Variants in CARD10 observed in about 807,000 individuals in gnomAD.
The protein encoded by CARD10 is caspase recruitment domain family member 10.
CARD10 carries 49 observed loss-of-function variants against 114.6 expected under a neutral mutation model. That is an observed-to-expected ratio of 0.43 (90% CI 0.34 to 0.54). CARD10 has a LOEUF of 0.54. Among genes scored for constraint, CARD10 ranks in the 20% least tolerant of loss-of-function variants. The pLI is 0.03. For synonymous variants in CARD10, 602 were observed against 593.2 expected (o/e 1.01, Z -0.21); for missense variants, 1,206 against 1,397.2 (o/e 0.86, Z 2.18).
In CARD10 at chr22:37,516,302, C is replaced by T. The variant is rs1328176502; in HGVS notation, c.374-4G>A. ...AGGCCCTCAGGCCCCTCCTCATCTG[C>T]CAGGACAGAACAGGGGACAGAATAG... On this transcript the variant is annotated splice_region_variant and splice_polypyrimidine_tract_variant and intron_variant, in intron 2 of 19. Coordinates refer to ENST00000251973, the MANE Select transcript of CARD10 (RefSeq NM_014550.4). 6.3e-7 allele frequency: 1 copy of T among 1,580,516 alleles called. No homozygotes were observed. The highest frequency in any genetic ancestry group is 2.3e-5 in the East Asian group (1 of 44,398).
At chr22:37,512,292 G>A (rs894091612) in intron 3 of CARD10, 9 of 152,202 alleles carry the variant, frequency 5.9e-5, no homozygotes, top group African/African-American at 2.2e-4. Context: ...AGTGACAAGA[G>A]TGGCAGCAGG....
At chr22:37,502,564 A>G (rs199830828) in intron 11 of CARD10, 38 bp downstream of exon 11, 228 of 1,596,090 alleles carry the variant, frequency 1.4e-4, no homozygotes, top group Non-Finnish European at 1.9e-4. Flanking sequence ...CTCTCAAGCA[A>G]TCACCCCAGC....
intron 11 of CARD10, among the ~76,000 whole-genome samples, chr22:37,499,070 C>A (rs1187991464): frequency 6.6e-6 from 1 of 152,068 alleles, no homozygotes; most frequent in Non-Finnish European, 1.5e-5. Context: ...CAATGCTATC[C>A]CCCACCCCGC....
At chr22:37,495,283 G>A (rs1922956812) in intron 15 of CARD10, among the ~76,000 whole-genome samples, 1 of 152,202 alleles carries the variant, frequency 6.6e-6, no homozygotes, top group Non-Finnish European at 1.5e-5. Flanking sequence ...TGCTTATTAT[G>A]TACCAGGGGT....
At chr22:37,491,678 G>A in intron 19 of CARD10, 77 bp downstream of exon 19, 1 of 741,656 alleles carries the variant, frequency 1.3e-6, no homozygotes, top group South Asian at 1.5e-5. Context: ...GAGAGAGGGG[G>A]GAGGGAGAGA....
Position 37,504,702 on chromosome 22 carries a change from G to T in CARD10, c.1451C>A (p.Ser484Tyr). The T allele has an allele frequency of 1.9e-6, 3 of 1,584,250 alleles. No homozygotes were observed. The highest frequency in any genetic ancestry group is 2.6e-6 in the Non-Finnish European group (3 of 1,166,434). ...AGTTGCTTCTGGGCCTCCCAGAGGGGAGGGGAACTCGCTCAGGCTCCAAGT... is the reference window on the plus strand; with the variant it reads ...AGTTGCTTCTGGGCCTCCCAGAGGGTAGGGGAACTCGCTCAGGCTCCAAGT... Reference protein sequence around the residue: ...SSTWSLSEFPSPLGGPEATGE... With the variant: ...SSTWSLSEFPYPLGGPEATGE... Residue 484 changes from serine to tyrosine, a missense_variant, in exon 8 of 20, where the codon TCC becomes TAC. Physicochemically the swap from Ser to Tyr is moderately radical, Grantham distance 144. Around this residue, in one of 2 missense-constraint regions of CARD10, gnomAD observed 1,068 missense variants for 1,179.1 expected, o/e 0.91. Transcript: ENST00000251973.
chr22:37,512,460 C>CA (rs1923687866), intron 3 of CARD10, among the ~76,000 whole-genome samples: 1 of 130,054 alleles, frequency 7.7e-6, no homozygotes, highest in African/African-American at 3.2e-5. Flanking sequence ...ATGGCAGCCC[C>CA]CCCTCCACAC....
At chr22:37,500,052 C>A (rs1354447410) in intron 11 of CARD10, among the ~76,000 whole-genome samples, 1 of 152,222 alleles carries the variant, frequency 6.6e-6, no homozygotes, top group Non-Finnish European at 1.5e-5. Flanking sequence ...CAATGAATGT[C>A]CCCCAGGGCC....
At chr22:37,507,997 C>G in intron 5 of CARD10, 43 bp from the exon 6 acceptor site, 1 of 1,610,160 alleles carries the variant, frequency 6.2e-7, no homozygotes, top group Non-Finnish European at 8.5e-7. Context: ...GGGCTGGGGA[C>G]CATGAGAAAG....
In CARD10 at chr22:37,492,761, G is replaced by A; in HGVS notation, c.2518C>T (p.Leu840=). Residue 840 remains leucine, a synonymous_variant, in exon 17 of 20, where the codon CTA becomes TTA. Coordinates refer to ENST00000251973, the MANE Select transcript of CARD10 (RefSeq NM_014550.4). This position sits in a 1 kb window ranked among gnomAD's most constrained non-coding sequence, Gnocchi z 5.7. ...ACGGGCCGCAGGGCAGACACCAGTA[G>A]CGGCCGCACCAAACTGTAGGGTCTG... ...SLRPYSLVRP[L]LVSALRPVVL... is the part of the protein sequence containing the mutation. 6.2e-7 allele frequency: 1 copy of A among 1,612,810 alleles called. No homozygotes were observed. The highest frequency in any genetic ancestry group is 8.5e-7 in the Non-Finnish European group (1 of 1,179,902).
At chr22:37,493,339 T>G (rs5756699) in intron 16 of CARD10, among the ~76,000 whole-genome samples, 13,394 of 152,220 alleles carry the variant, frequency 0.088, 744 homozygotes, top group East Asian at 0.26. Flanking sequence ...TCCCCAGACA[T>G]CAGGGCCCCT....
intron 6 of CARD10, among the ~76,000 whole-genome samples, chr22:37,507,594 T>G (rs1458283799): frequency 1.3e-5 from 2 of 152,208 alleles, no homozygotes. Flanking sequence ...CAGGACCAGC[T>G]TCTGTAACTG....
Position 37,496,831 on chromosome 22 carries a change from G to T in CARD10, c.1947+188C>A. 1.4e-6 allele frequency: 1 copy of T among 738,572 alleles called. No individual in the cohort carries two copies. Among genetic ancestry groups the T allele is most frequent in the Non-Finnish European group, 2.2e-6 (1 of 448,092 alleles). The allele number at this position is 738,572 out of a possible 1,614,324, so 45.8% of individuals were successfully genotyped here. A position where few individuals can be genotyped will look rare whatever the true frequency, so the allele number is the denominator to read the frequency against. On this transcript the variant is annotated intron_variant, in intron 12 of 19. Transcript: ENST00000251973. The surrounding 1 kb of genome is among the most constrained non-coding windows in gnomAD (Gnocchi z 4.1). Reference sequence around the variant, plus strand: ...TGCTGTCAGTTGGCTCCACCTCCCAGTCCCTGCCCAATCAGACTTCAATTA... The same window carrying T: ...TGCTGTCAGTTGGCTCCACCTCCCATTCCCTGCCCAATCAGACTTCAATTA...
At chr22:37,515,822 T>G (rs1351455463) in intron 3 of CARD10, 151 bp downstream of exon 3, 46 of 619,566 alleles carry the variant, frequency 7.4e-5, no homozygotes, top group Admixed American at 2.2e-4. Flanking sequence ...ACCACAGTCA[T>G]AACCCAATGA....
chr22:37,492,247 G>T lies in CARD10; in HGVS notation c.2751+188C>A, dbSNP rs533782880. Among the ~76,000 whole-genome samples, 2 of 152,266 alleles carry T rather than the reference G, an allele frequency of 1.3e-5. No individual in the cohort carries two copies. Among genetic ancestry groups the T allele is most frequent in the East Asian group, 3.9e-4 (2 of 5,156 alleles). ...AAGGGGGGCCCACATGCAGTCAACTGCCCCCACCCACCCAGGCAACAGGTG... is the reference window on the plus strand; with the variant it reads ...AAGGGGGGCCCACATGCAGTCAACTTCCCCCACCCACCCAGGCAACAGGTG... On this transcript the variant is annotated intron_variant, in intron 18 of 19. Transcript: ENST00000251973. The surrounding 1 kb of genome is among the most constrained non-coding windows in gnomAD (Gnocchi z 5.7).
At chr22:37,511,648 G>C (rs140710816) in intron 3 of CARD10, among the ~76,000 whole-genome samples, 27 of 151,956 alleles carry the variant, frequency 1.8e-4, no homozygotes, top group Middle Eastern at 3.4e-3. Flanking sequence ...TGTACGGGGG[G>C]GGTGTGAGGG....
rs926622520 is a variant in CARD10 at position 37,513,494 on chromosome 22, C to T, written c.699+2479G>A. On this transcript the variant is annotated intron_variant, in intron 3 of 19. Transcript: ENST00000251973. ...GACCTGCAGACTACAGAGGCACCTC[C>T]GACCATCTCTTTTCCATCCCCCTCC... Among the ~76,000 whole-genome samples, 5 of 152,228 alleles carry T rather than the reference C, an allele frequency of 3.3e-5. No individual in the cohort carries two copies. The East Asian group carries it at 7.8e-4, about 24-fold the overall frequency.
chr22:37,490,871 T>G lies in CARD10; in HGVS notation c.*288A>C. The G allele has an allele frequency of 2.1e-6, 1 of 479,032 alleles. No individual in the cohort carries two copies. The allele number at this position is 479,032 out of a possible 1,614,324, so 29.7% of individuals were successfully genotyped here. ...TGAGAACAGACTCCAGGGCGAGTGT[T>G]TAAGGAGAAGACACAGACACACATA... On this transcript the variant is annotated 3_prime_UTR_variant, in exon 20 of 20. Transcript: ENST00000251973.
At chr22:37,505,721 A>C (rs1344108132) in intron 7 of CARD10, among the ~76,000 whole-genome samples, 1 of 151,670 alleles carries the variant, frequency 6.6e-6, no homozygotes, top group Non-Finnish European at 1.5e-5. Context: ...CTGGGACTCC[A>C]GCTCCAGTGC....
Sources: gnomAD v4.1 joint callset for allele counts (sites outside exome capture counted in the v4.1 genomes callset) on GRCh38, gnomAD v4.1.1 for gene constraint, gnomAD v4.1.1 regional missense constraint, Gnocchi (gnomAD v3.1) non-coding constraint, MANE v1.5 for transcripts, NCBI Gene and HGNC (gene_info 2026-07-23, HGNC 2026-07-21) for gene names.